The following ANGPT2 variants were observed in gnomAD, a reference collection of about 807,000 sequenced individuals.
The protein encoded by ANGPT2 is angiopoietin-2.
A neutral mutation model predicts 62.9 loss-of-function variants in ANGPT2; 28 were observed. The observed-to-expected ratio is 0.44, with a 90% CI of 0.33 to 0.61. The LOEUF (loss-of-function observed/expected upper bound fraction) is 0.61, where lower values mean the gene tolerates loss of function less well. ANGPT2 is among the 20% of genes least tolerant of loss of function. The pLI is 0.03. For synonymous variants in ANGPT2, 284 were observed against 207.8 expected (o/e 1.37, Z -3.15); for missense variants, 727 against 594.9 (o/e 1.22, Z -2.31).
intron 1 of ANGPT2, among the ~76,000 whole-genome samples, chr8:6,550,295 G>T (rs1046689540): frequency 6.6e-6 from 1 of 152,202 alleles, no homozygotes; most frequent in African/African-American, 2.4e-5. Flanking sequence ...AATCCCCGGG[G>T]CATCTGCCTC....
chr8:6,523,085 C>T (rs753345553), intron 3 of ANGPT2, among the ~76,000 whole-genome samples: 16 of 151,954 alleles, frequency 1.1e-4, no homozygotes, highest in Admixed American at 3.9e-4. Flanking sequence ...GCAACCTTCA[C>T]CTCCCAGGTT....
intron 3 of ANGPT2, among the ~76,000 whole-genome samples, chr8:6,522,783 A>AG (rs1554521871): frequency 6.7e-6 from 1 of 150,066 alleles, no homozygotes; most frequent in East Asian, 1.9e-4. Context: ...CAAAAAAAAA[A>AG]AAGAAAAGAA....
intron 1 of ANGPT2, among the ~76,000 whole-genome samples, chr8:6,549,259 C>G (rs760646796): frequency 6.6e-6 from 1 of 152,152 alleles, no homozygotes; most frequent in Non-Finnish European, 1.5e-5. Flanking sequence ...TGTTATACAG[C>G]GAAACACTGC....
chr8:6,524,127 A>G (rs760674767), intron 3 of ANGPT2, among the ~76,000 whole-genome samples: 1 of 152,182 alleles, frequency 6.6e-6, no homozygotes, highest in Non-Finnish European at 1.5e-5. Context: ...TTTTCCTTCC[A>G]ATATAAAGTT....
intron 1 of ANGPT2, among the ~76,000 whole-genome samples, chr8:6,538,566 A>G (rs1377401156): frequency 2.6e-5 from 4 of 152,130 alleles, no homozygotes; most frequent in Non-Finnish European, 5.9e-5. Flanking sequence ...TGGCTGTCCC[A>G]GCTGCCCAGC....
At chr8:6,503,591 G>T (rs1471952876) in intron 8 of ANGPT2, among the ~76,000 whole-genome samples, 1 of 152,170 alleles carries the variant, frequency 6.6e-6, no homozygotes, top group Non-Finnish European at 1.5e-5. Flanking sequence ...AACATCTGAG[G>T]CACAGTTGGA....
intron 1 of ANGPT2, among the ~76,000 whole-genome samples, chr8:6,562,117 T>C (rs1241399051): frequency 6.6e-6 from 1 of 152,218 alleles, no homozygotes; most frequent in East Asian, 1.9e-4. Flanking sequence ...TAATTTCCTC[T>C]CGTTTACCAA....
Position 6,499,961 on chromosome 8 carries a change from G to A in ANGPT2, c.*3140C>T, listed in dbSNP as rs1241711074. On this transcript the variant is annotated 3_prime_UTR_variant, in exon 9 of 9. Transcript: ENST00000629816. Reference sequence around the variant, plus strand: ...CAGATGTTGTTTTACGATGGTAAATGCAGTTTGCTGTTCTCAAGAAATTAT... The same window carrying A: ...CAGATGTTGTTTTACGATGGTAAATACAGTTTGCTGTTCTCAAGAAATTAT... 6.4e-7 allele frequency: 1 copy of A among 1,569,890 alleles called. No homozygotes were observed. The highest frequency in any genetic ancestry group is 2.2e-5 in the East Asian group (1 of 44,646).
chr8:6,515,088 G>GC (rs1403710844), intron 5 of ANGPT2, among the ~76,000 whole-genome samples: 3 of 151,986 alleles, frequency 2.0e-5, no homozygotes, highest in Non-Finnish European at 2.9e-5. Context: ...AGAGATTGCT[G>GC]TTTTTTTAGA....
chr8:6,501,025 G>C lies in ANGPT2; in HGVS notation c.*2076C>G, dbSNP rs779805108. On this transcript the variant is annotated 3_prime_UTR_variant, in exon 9 of 9. Coordinates refer to ENST00000629816, the MANE Select transcript of ANGPT2 (RefSeq NM_001118887.2). ...AGGCTGTGAAATTTTCTTATTTTCAGTTGTTTTTCAACTTGATACAAGGCC... is the reference window on the plus strand; with the variant it reads ...AGGCTGTGAAATTTTCTTATTTTCACTTGTTTTTCAACTTGATACAAGGCC... The C allele has an allele frequency of 2.6e-5, 4 of 152,172 alleles. No individual in the cohort carries two copies. Among genetic ancestry groups the C allele is most frequent in the Non-Finnish European group, 5.9e-5 (4 of 68,020 alleles). 9.4% of individuals were successfully genotyped at this position (152,172 alleles called of 1,614,324 possible).
chr8:6,508,157 A>C (rs1188474643), intron 8 of ANGPT2: 5 of 152,236 alleles, frequency 3.3e-5, no homozygotes, highest in Non-Finnish European at 5.9e-5. Flanking sequence ...CTTTTTTAAA[A>C]AGACAGCTGG....
intron 7 of ANGPT2, among the ~76,000 whole-genome samples, chr8:6,509,462 G>T (rs1039027582): frequency 6.6e-6 from 1 of 152,158 alleles, no homozygotes; most frequent in African/African-American, 2.4e-5. Flanking sequence ...ATTATTTTCC[G>T]CAGGGGGCCC....
chr8:6,528,304 G>A (rs966710420), intron 2 of ANGPT2, among the ~76,000 whole-genome samples: 4 of 152,178 alleles, frequency 2.6e-5, no homozygotes, highest in African/African-American at 4.8e-5. Flanking sequence ...CATACAATGA[G>A]ACAAGTAGGA....
At chr8:6,555,100 C>A (rs1476410181) in intron 1 of ANGPT2, among the ~76,000 whole-genome samples, 2 of 152,130 alleles carry the variant, frequency 1.3e-5, no homozygotes, top group African/African-American at 4.8e-5. Flanking sequence ...TTCTAAACCA[C>A]TACCCATGAT....
chr8:6,518,236 C>G (rs1353752595), intron 5 of ANGPT2, among the ~76,000 whole-genome samples: 1 of 152,204 alleles, frequency 6.6e-6, no homozygotes, highest in Non-Finnish European at 1.5e-5. Flanking sequence ...TGTCCCCCCT[C>G]TTGACACTCC....
intron 1 of ANGPT2, among the ~76,000 whole-genome samples, chr8:6,552,354 C>G (rs1483115131): frequency 6.6e-6 from 1 of 152,182 alleles, no homozygotes; most frequent in Non-Finnish European, 1.5e-5. Context: ...AGTACTGGAG[C>G]AGTTTCCACA....
At position 6,532,326 on chromosome 8, in the gene ANGPT2, A is replaced by C. The variant is rs199686557; in HGVS notation, c.444+6T>G. On this transcript the variant is annotated splice_donor_region_variant and intron_variant, in intron 2 of 8. Coordinates refer to ENST00000629816, the MANE Select transcript of ANGPT2 (RefSeq NM_001118887.2). ...GACACCGTGTGCTTTATGTGGCATT[A>C]CTTACTTGGGCTTCCACATCAGTTA... 6.2e-7 allele frequency: 1 copy of C among 1,614,084 alleles called. No individual in the cohort carries two copies. The highest frequency in any genetic ancestry group is 2.2e-5 in the East Asian group (1 of 44,880).
At position 6,536,605 on chromosome 8, in the gene ANGPT2, C is replaced by G. The variant is rs757757628; in HGVS notation, c.289-4118G>C. The stretch of plus-strand genomic sequence containing the variant: ...TGACAAAAGAATCTGTGTTTTCTTC[C>G]AAAGATTAGTAGTAATTTTTAGAGG... On this transcript the variant is annotated intron_variant, in intron 1 of 8. Coordinates refer to ENST00000629816, the MANE Select transcript of ANGPT2 (RefSeq NM_001118887.2). Among the ~76,000 whole-genome samples the G allele has an allele frequency of 7.2e-5, 11 of 152,202 alleles. No individual in the cohort carries two copies. In the South Asian group the frequency reaches 1.2e-3, roughly 17 times the overall value.
At chr8:6,515,918 C>T (rs1816182089) in intron 5 of ANGPT2, among the ~76,000 whole-genome samples, 1 of 152,114 alleles carries the variant, frequency 6.6e-6, no homozygotes, top group African/African-American at 2.4e-5. Flanking sequence ...CTTTCATTTC[C>T]TACATGAGGA....
Sources: gnomAD v4.1 joint callset for allele counts (sites outside exome capture counted in the v4.1 genomes callset) on GRCh38, gnomAD v4.1.1 for gene constraint, MANE v1.5 for transcripts, NCBI Gene and HGNC (gene_info 2026-07-23, HGNC 2026-07-21) for gene names.